ANKS1A: variants seen among roughly 807,000 people sequenced by gnomAD.
ANKS1A encodes the protein ankyrin repeat and sterile alpha motif domain containing 1A.
ANKS1A carries 55 observed loss-of-function variants against 120.3 expected under a neutral mutation model. The ratio of observed to expected loss-of-function variants is 0.46; its 90% CI spans 0.37 to 0.57. The LOEUF (loss-of-function observed/expected upper bound fraction) is 0.57, where lower values mean the gene tolerates loss of function less well. ANKS1A is among the 20% of genes least tolerant of loss of function. ANKS1A has a pLI of 0.00. For synonymous variants in ANKS1A, 590 were observed against 604.7 expected (o/e 0.98, Z 0.36); for missense variants, 1,123 against 1,480.3 (o/e 0.76, Z 3.96).
intron 1 of ANKS1A, among the ~76,000 whole-genome samples, chr6:34,902,329 A>G (rs1481699499): frequency 1.3e-5 from 2 of 151,474 alleles, no homozygotes; most frequent in African/African-American, 4.8e-5. Flanking sequence ...GCTCCCTGCA[A>G]CCTCCACCTG....
In ANKS1A at chr6:35,057,224, G is replaced by C. The variant is rs1369930006; in HGVS notation, c.2078-2923G>C. ...CTGCCACCACTGGAGCTAGTTAGCT[G>C]AATCGCCAACAGAAGCGTTTACAGC... On this transcript the variant is annotated intron_variant, in intron 12 of 23. Transcript: ENST00000360359. This position sits in a 1 kb window ranked among gnomAD's most constrained non-coding sequence, Gnocchi z 4.1. Among the ~76,000 whole-genome samples the C allele has an allele frequency of 6.6e-6, 1 of 152,138 alleles. No homozygotes were observed. Among genetic ancestry groups the C allele is most frequent in the East Asian group, 1.9e-4 (1 of 5,132 alleles).
chr6:35,002,905 A>G (rs1773245828), intron 10 of ANKS1A, among the ~76,000 whole-genome samples: 1 of 151,214 alleles, frequency 6.6e-6, no homozygotes, highest in South Asian at 2.1e-4. Context: ...ATAAAAATCC[A>G]TTCAGTAAAT....
chr6:34,970,870 G>A (rs549641137), intron 3 of ANKS1A, among the ~76,000 whole-genome samples: 2 of 152,162 alleles, frequency 1.3e-5, no homozygotes, highest in East Asian at 1.9e-4. Flanking sequence ...AAGGCCGGAT[G>A]TGGTGGCACA....
intron 1 of ANKS1A, among the ~76,000 whole-genome samples, chr6:34,931,507 C>T (rs780288213): frequency 3.9e-5 from 6 of 152,150 alleles, no homozygotes; most frequent in African/African-American, 7.2e-5. Flanking sequence ...TTCTCAGAAG[C>T]AAGTTTTATT....
At chr6:35,054,020 C>T (rs1274195804) in intron 11 of ANKS1A, 79 bp from the exon 12 acceptor site, 2 of 1,195,074 alleles carry the variant, frequency 1.7e-6, no homozygotes, top group African/African-American at 3.0e-5. Flanking sequence ...GAGGTCAGAC[C>T]CCACTGGCGC....
In ANKS1A at chr6:34,989,336, T is replaced by C. The variant is rs1222059825; in HGVS notation, c.1302+20T>C. On this transcript the variant is annotated intron_variant, in intron 9 of 23. Coordinates refer to ENST00000360359, the MANE Select transcript of ANKS1A (RefSeq NM_015245.3). The stretch of plus-strand genomic sequence containing the variant: ...TCTGAGGTAGAGGGTTGTGGGTTTA[T>C]TCCCCATTGCTGAAATTTGAGTTTG... The C allele has an allele frequency of 6.2e-7, 1 of 1,604,714 alleles. No homozygotes were observed. Among genetic ancestry groups the C allele is most frequent in the East Asian group, 2.2e-5 (1 of 44,836 alleles).
chr6:34,941,228 G>T (rs864037), intron 1 of ANKS1A, among the ~76,000 whole-genome samples: 179 of 152,168 alleles, frequency 1.2e-3, no homozygotes, highest in Non-Finnish European at 2.3e-3. Flanking sequence ...CCTTGTGATC[G>T]GCCTGCCTTG....
At chr6:35,001,256 T>C (rs1773151453) in intron 10 of ANKS1A, among the ~76,000 whole-genome samples, 1 of 152,198 alleles carries the variant, frequency 6.6e-6, no homozygotes, top group East Asian at 1.9e-4. Context: ...AAACATTCAT[T>C]TTACTAGAGG....
intron 13 of ANKS1A, among the ~76,000 whole-genome samples, chr6:35,077,094 ACT>A (rs1449351959): frequency 2.0e-5 from 3 of 151,818 alleles, no homozygotes; most frequent in African/African-American, 7.3e-5. Context: ...CTGCAGGGAG[ACT>A]CTTTCCCTGC....
At chr6:35,083,588 G>T (rs1554161804) in intron 20 of ANKS1A, 85 bp downstream of exon 20, 1 of 1,321,606 alleles carries the variant, frequency 7.6e-7, no homozygotes, top group East Asian at 2.3e-5. Flanking sequence ...CAACCCGGCT[G>T]CCCTGTCTCA....
At chr6:34,940,353 C>T (rs1472963552) in intron 1 of ANKS1A, among the ~76,000 whole-genome samples, 1 of 152,156 alleles carries the variant, frequency 6.6e-6, no homozygotes, top group Non-Finnish European at 1.5e-5. Context: ...ATGTACTTAA[C>T]CAATGTGCAG....
intron 11 of ANKS1A, among the ~76,000 whole-genome samples, chr6:35,021,320 G>T (rs887523885): frequency 1.3e-5 from 2 of 152,186 alleles, no homozygotes. Context: ...CCTCTTCACT[G>T]TGAGACCTGG....
chr6:34,902,272 G>A (rs1167555943), intron 1 of ANKS1A, among the ~76,000 whole-genome samples: 1 of 151,186 alleles, frequency 6.6e-6, no homozygotes, highest in African/African-American at 2.4e-5. Context: ...TTTTTGAGAC[G>A]GCGTTTCGCT....
chr6:35,060,239 G>T lies in ANKS1A; in HGVS notation c.2170G>T (p.Asp724Tyr). The change falls in exon 13 of 24, where the codon GAT becomes TAT. Residue 724 changes from aspartate (D) to tyrosine (Y), a missense_variant. Asp to Tyr is a radical substitution (Grantham distance 160, BLOSUM62 -3). This residue lies in a region of ANKS1A where 904 missense variants were observed against 1,130.4 expected (regional missense o/e 0.80). Coordinates refer to ENST00000360359, the MANE Select transcript of ANKS1A (RefSeq NM_015245.3). The surrounding 1 kb of genome is among the most constrained non-coding windows in gnomAD (Gnocchi z 4.5). The stretch of plus-strand genomic sequence containing the variant: ...CAAGTTGCTTCTGAATGGCTTTGAC[G>T]ATGTCCACTTCCTGGTAAGTGGCTG... ...ESKLLLNGFD[D>Y]VHFLGSNVME... The T allele has an allele frequency of 6.2e-7, 1 of 1,611,580 alleles. No homozygotes were observed. The highest frequency in any genetic ancestry group is 8.5e-7 in the Non-Finnish European group (1 of 1,179,452).
At chr6:35,070,334 G>A (rs946421035) in intron 13 of ANKS1A, among the ~76,000 whole-genome samples, 93 of 151,812 alleles carry the variant, frequency 6.1e-4, no homozygotes, top group African/African-American at 2.1e-3. Flanking sequence ...CCCTTTCCAG[G>A]TCTTTTTCCG....
At chr6:35,087,631 G>A (rs749683785) in intron 23 of ANKS1A, among the ~76,000 whole-genome samples, 1 of 152,226 alleles carries the variant, frequency 6.6e-6, no homozygotes, top group Non-Finnish European at 1.5e-5. Context: ...CCGCTACTCC[G>A]AGGTGCTGGC....
intron 11 of ANKS1A, among the ~76,000 whole-genome samples, chr6:35,024,795 T>C (rs957572509): frequency 1.3e-5 from 2 of 152,352 alleles, no homozygotes; most frequent in Non-Finnish European, 2.9e-5. Context: ...TTCAACTCCA[T>C]AGAGGCTTTG....
intron 7 of ANKS1A, 103 bp downstream of exon 7, chr6:34,983,528 G>T: frequency 1.0e-6 from 1 of 984,072 alleles, no homozygotes; most frequent in Non-Finnish European, 1.5e-6. Flanking sequence ...TAATTTTGGG[G>T]GATTGTGAGT....
At chr6:35,059,705 C>T (rs1050681146) in intron 12 of ANKS1A, among the ~76,000 whole-genome samples, 1 of 152,186 alleles carries the variant, frequency 6.6e-6, no homozygotes, top group Admixed American at 6.5e-5. Flanking sequence ...ATGAGAGGAG[C>T]GGCGGGGCTT....
Sources: allele counts gnomAD v4.1 joint callset (sites outside exome capture counted in the v4.1 genomes callset), GRCh38; gene constraint gnomAD v4.1.1; regional missense constraint gnomAD v4.1.1; non-coding constraint Gnocchi (gnomAD v3.1); transcripts MANE v1.5; gene names NCBI Gene and HGNC (gene_info 2026-07-23, HGNC 2026-07-21).